Variants in ANKRD36B observed in about 807,000 individuals in gnomAD.
ANKRD36B encodes the protein ankyrin repeat domain-containing protein 36B.
Under a neutral mutation model 135.7 loss-of-function variants are expected in ANKRD36B, and 37 were observed. The ratio of observed to expected loss-of-function variants is 0.27; its 90% confidence interval spans 0.21 to 0.36. ANKRD36B has a LOEUF of 0.36. ANKRD36B is among the 10% of genes least tolerant of loss of function. ANKRD36B has a pLI of 1.00. For missense variants in ANKRD36B, 549 were observed against 1,037.1 expected, an observed-to-expected ratio of 0.53 and a Z score of 6.46; for synonymous variants, 179 against 348.1, an observed-to-expected ratio of 0.51 and a Z score of 5.41.
At chr2:97,563,868 ATATTTATGTC>A (rs2081233345) in intron 6 of ANKRD36B, among the ~76,000 whole-genome samples, 1 of 152,162 alleles carries the variant, frequency 6.6e-6, no homozygotes, top group Non-Finnish European at 1.5e-5. Context: ...GTATGTCACC[ATATTTATGTC>A]CATATGGTAT....
At chr2:97,576,334 T>A (rs2082237074) in intron 6 of ANKRD36B, 45 bp downstream of exon 6, 2 of 729,196 alleles carry the variant, frequency 2.7e-6, no homozygotes, top group African/African-American at 1.8e-5. Context: ...TTCTTTTTTA[T>A]CTATGGTAGT....
intron 8 of ANKRD36B, 35 bp downstream of exon 8, chr2:97,560,630 T>C (rs780211046): frequency 3.1e-6 from 5 of 1,597,926 alleles, no homozygotes; most frequent in South Asian, 1.1e-5. Context: ...TCTATCTTGA[T>C]TGAACATGAC....
rs2104422073 is a variant in ANKRD36B at position 97,589,741 on chromosome 2, T to C, written c.-56A>G. 1 of 1,611,270 alleles carries C rather than the reference T, an allele frequency of 6.2e-7. No homozygotes were observed. Among genetic ancestry groups the C allele is most frequent in the Middle Eastern group, 1.7e-4 (1 of 6,046 alleles). On this transcript the variant is annotated 5_prime_UTR_variant, in exon 1 of 44. Transcript: ENST00000359901. ...TTCCTTAATCGTCGGCTGCAAATTG[T>C]AGCCTGCAGCCGTATTTCAGCTCGC...
intron 16 of ANKRD36B, 136 bp from the exon 17 acceptor site, chr2:97,551,616 TG>T: frequency 2.1e-6 from 3 of 1,421,298 alleles, no homozygotes; most frequent in Non-Finnish European, 2.9e-6. Flanking sequence ...ACTTTGTGTC[TG>T]GGGATTAGAA....
intron 1 of ANKRD36B, among the ~76,000 whole-genome samples, chr2:97,587,852 C>T (rs2083128572): frequency 6.6e-6 from 1 of 152,136 alleles, no homozygotes; most frequent in Admixed American, 6.5e-5. Context: ...ATACCTTCTC[C>T]TCCCAGGAAC....
In ANKRD36B at chr2:97,574,627, G is replaced by A. The variant is rs1315084992; in HGVS notation, c.763+1752C>T. ...CTTCTGATTGAAACTTGAAACTCTC[G>A]AAATGCGGCTGTGTTATGATTCCAT... On this transcript the variant is annotated intron_variant, in intron 6 of 43. Coordinates refer to ENST00000359901, the MANE Select transcript of ANKRD36B (RefSeq NM_001393939.1). Among the ~76,000 whole-genome samples, 25 of 152,214 alleles carry A rather than the reference G, an allele frequency of 1.6e-4. No individual in the cohort carries two copies. The South Asian group carries it at 5.0e-3, about 30-fold the overall frequency.
At chr2:97,568,613 A>T (rs2081612593) in intron 6 of ANKRD36B, among the ~76,000 whole-genome samples, 2 of 152,184 alleles carry the variant, frequency 1.3e-5, no homozygotes, top group South Asian at 4.1e-4. Flanking sequence ...TCACTCCCTT[A>T]ACAGCTTATC....
At position 97,555,060 on chromosome 2, in the gene ANKRD36B, C is replaced by G. The variant is rs773925295; in HGVS notation, c.1171G>C (p.Val391Leu). 1.9e-6 allele frequency: 3 copies of G among 1,611,556 alleles called. No homozygotes were observed. The South Asian group carries it at 3.3e-5, about 18-fold the overall frequency. The change falls in exon 14 of 44, where the codon GTG becomes CTG. Residue 391 changes from valine (V) to leucine (L), a missense_variant and splice_region_variant. By Grantham distance (32) the Val-to-Leu change is conservative (BLOSUM62 1). Coordinates refer to ENST00000359901, the MANE Select transcript of ANKRD36B (RefSeq NM_001393939.1). ...CATTAAATGTGTTTTGCAAAATTAC[C>G]TGTCCCACATTGTAGTCCATCCTTT... ...EIKDGLQCGT[V>L]SSQKQQALKA...
intron 12 of ANKRD36B, among the ~76,000 whole-genome samples, chr2:97,555,475 CAT>C (rs2080432943): frequency 6.6e-6 from 1 of 151,776 alleles, no homozygotes; most frequent in Non-Finnish European, 1.5e-5. Context: ...TATGATTTTT[CAT>C]ATGTCTAAAA....
intron 16 of ANKRD36B, among the ~76,000 whole-genome samples, chr2:97,552,067 G>A (rs1408640139): frequency 3.9e-5 from 6 of 151,928 alleles, no homozygotes; most frequent in African/African-American, 1.4e-4. Context: ...TCACACCCAT[G>A]TGGTGTAATA....
At position 97,516,169 on chromosome 2, in the gene ANKRD36B, G is replaced by T. The variant is rs1451965144; in HGVS notation, c.2408-224C>A. 4.8e-3 allele frequency among the ~76,000 whole-genome samples: 166 copies of T among 34,482 alleles called. 15 individuals are homozygous for T. In the South Asian group the frequency reaches 0.089, roughly 19 times the overall value. 22.6% of individuals were successfully genotyped at this position (34,482 alleles called of 152,430 possible). A position where few individuals can be genotyped will look rare whatever the true frequency, so the allele number is the denominator to read the frequency against. ...GAAGAACCAAGATAAAAAGGTGACAGTTATAAACTCAGATAGGTCCTGTAA... is the reference window on the plus strand; with the variant it reads ...GAAGAACCAAGATAAAAAGGTGACATTTATAAACTCAGATAGGTCCTGTAA... On this transcript the variant is annotated intron_variant, in intron 36 of 43. Coordinates refer to ENST00000359901, the MANE Select transcript of ANKRD36B (RefSeq NM_001393939.1).
At chr2:97,538,579 A>G (rs184447768) in intron 30 of ANKRD36B, among the ~76,000 whole-genome samples, 1 of 96,516 alleles carries the variant, frequency 1.0e-5, no homozygotes, top group African/African-American at 3.1e-5. Context: ...GAAATTACAA[A>G]GAGGTATTTT....
chr2:97,573,185 T>C (rs527708939), intron 6 of ANKRD36B, among the ~76,000 whole-genome samples: 2 of 152,270 alleles, frequency 1.3e-5, no homozygotes, highest in African/African-American at 4.8e-5. Context: ...GTCCTTGCCA[T>C]AATTTGCTGA....
At chr2:97,588,008 ATT>A (rs2083143424) in intron 1 of ANKRD36B, among the ~76,000 whole-genome samples, 1 of 150,618 alleles carries the variant, frequency 6.6e-6, no homozygotes. Flanking sequence ...ATACACACAT[ATT>A]GTCTTTTGTT....
intron 22 of ANKRD36B, among the ~76,000 whole-genome samples, chr2:97,546,417 T>C (rs1409245178): frequency 1.3e-5 from 2 of 151,746 alleles, no homozygotes; most frequent in African/African-American, 2.4e-5. Context: ...TGATACCTAG[T>C]AGATAACATT....
chr2:97,574,298 T>C (rs1346590362), intron 6 of ANKRD36B, among the ~76,000 whole-genome samples: 2 of 152,156 alleles, frequency 1.3e-5, no homozygotes, highest in Non-Finnish European at 2.9e-5. Context: ...ATGCTCATCA[T>C]CACTGGCCAT....
intron 6 of ANKRD36B, among the ~76,000 whole-genome samples, chr2:97,565,585 A>G (rs201912964): frequency 0.018 from 1,985 of 107,444 alleles, no homozygotes; most frequent in Middle Eastern, 0.019. Flanking sequence ...TATGCAGCCA[A>G]CAAACATCTG....
In ANKRD36B at chr2:97,529,637, T is replaced by C. The variant is rs181800896; in HGVS notation, c.2265+2674A>G. On this transcript the variant is annotated intron_variant, in intron 35 of 43. Transcript: ENST00000359901. ...ATGTCCCTGTTTGCAGACGACATGATTGTATATCTAGAAAACCCCATTGTC... is the reference window on the plus strand; with the variant it reads ...ATGTCCCTGTTTGCAGACGACATGACTGTATATCTAGAAAACCCCATTGTC... Among the ~76,000 whole-genome samples the C allele has an allele frequency of 2.4e-3, 227 of 96,108 alleles. 63 individuals are homozygous for C. The highest frequency in any genetic ancestry group is 6.6e-3 in the African/African-American group (211 of 31,994). 63.1% of individuals were successfully genotyped at this position (96,108 alleles called of 152,430 possible).
In ANKRD36B at chr2:97,525,879, T is replaced by A. The variant is rs1331330487; in HGVS notation, c.2266-2412A>T. 8.2e-5 allele frequency among the ~76,000 whole-genome samples: 8 copies of A among 97,964 alleles called. No homozygotes were observed. In the East Asian group the frequency reaches 1.8e-3, roughly 23 times the overall value. 64.3% of individuals were successfully genotyped at this position (97,964 alleles called of 152,430 possible). A position where few individuals can be genotyped will look rare whatever the true frequency, so the allele number is the denominator to read the frequency against. The stretch of plus-strand genomic sequence containing the variant: ...GGCGCCTGCCATTGCCCAGGCTTGC[T>A]TAGGTAAACAAAGCAGCTGGGAATC... On this transcript the variant is annotated intron_variant, in intron 35 of 43. Transcript: ENST00000359901.
Sources: gnomAD v4.1 joint callset for allele counts (sites outside exome capture counted in the v4.1 genomes callset) on GRCh38, gnomAD v4.1.1 for gene constraint, MANE v1.5 for transcripts, NCBI Gene and HGNC (gene_info 2026-07-23, HGNC 2026-07-21) for gene names.